The following CAMK1D variants were observed in gnomAD, a reference collection of about 807,000 sequenced individuals.
The protein encoded by CAMK1D is calcium/calmodulin dependent protein kinase ID.
In CAMK1D, 9 loss-of-function variants were observed where a neutral mutation model predicts 47.7. That is an observed-to-expected ratio of 0.19 (90% CI 0.11 to 0.33). CAMK1D has a LOEUF of 0.33. Ranked by LOEUF, CAMK1D falls within the 10% of genes least tolerant of loss-of-function variation. The pLI is 1.00. For missense variants in CAMK1D, 291 were observed against 488.7 expected (o/e 0.60, Z 3.81); for synonymous variants, 184 against 184.9 (o/e 0.99, Z 0.04).
intron 1 of CAMK1D, among the ~76,000 whole-genome samples, chr10:12,359,856 T>TGTATATGTA (rs1428048105): frequency 6.6e-6 from 1 of 152,230 alleles, no homozygotes; most frequent in Non-Finnish European, 1.5e-5. Flanking sequence ...CATATGTATA[T>TGTATATGTA]ACCCCATAAG....
intron 1 of CAMK1D, among the ~76,000 whole-genome samples, chr10:12,411,799 C>T (rs924259008): frequency 2.8e-5 from 3 of 108,296 alleles, no homozygotes; most frequent in Admixed American, 9.8e-5. Flanking sequence ...AGGGTTTCGC[C>T]GTGTTGGGCA....
At chr10:12,782,478 T>C (rs534330053) in intron 5 of CAMK1D, among the ~76,000 whole-genome samples, 3 of 152,324 alleles carry the variant, frequency 2.0e-5, no homozygotes, top group Admixed American at 6.5e-5. Context: ...TAAGTTCTGT[T>C]TAGCATCTCT....
intron 3 of CAMK1D, among the ~76,000 whole-genome samples, chr10:12,746,472 T>C (rs932386316): frequency 3.9e-5 from 6 of 152,150 alleles, no homozygotes; most frequent in Non-Finnish European, 8.8e-5. Context: ...AGGCTTATTG[T>C]TTAGAAATGT....
intron 2 of CAMK1D, among the ~76,000 whole-genome samples, chr10:12,591,787 G>A (rs1249716020): frequency 6.6e-6 from 1 of 152,170 alleles, no homozygotes; most frequent in East Asian, 1.9e-4. Context: ...TCCGCCTCCT[G>A]GGTTCTAGTG....
intron 1 of CAMK1D, among the ~76,000 whole-genome samples, chr10:12,414,485 T>A (rs916701070): frequency 6.6e-6 from 1 of 152,244 alleles, no homozygotes; most frequent in African/African-American, 2.4e-5. Flanking sequence ...TGCCATGTTA[T>A]CTGTCGTGTC....
At chr10:12,656,991 C>G (rs1159368315) in intron 2 of CAMK1D, among the ~76,000 whole-genome samples, 1 of 152,154 alleles carries the variant, frequency 6.6e-6, no homozygotes, top group Non-Finnish European at 1.5e-5. Flanking sequence ...TTAGATGTAT[C>G]AGAGCTAAGA....
intron 1 of CAMK1D, among the ~76,000 whole-genome samples, chr10:12,501,786 T>C (rs1834712497): frequency 6.6e-6 from 1 of 152,130 alleles, no homozygotes; most frequent in Admixed American, 6.5e-5. Context: ...CTCCCCACCC[T>C]AAAGTATTAT....
rs188323642 is a variant in CAMK1D, at chr10:12,791,270, C to T, written c.641+37C>T. The stretch of plus-strand genomic sequence containing the variant: ...CTGCTGCCTTGGGTTCTTCCTCTAC[C>T]GGCCTTTTTTTGTTTGGTGAAATAT... On this transcript the variant is annotated intron_variant, in intron 6 of 10. Coordinates refer to ENST00000619168, the MANE Select transcript of CAMK1D (RefSeq NM_153498.4). The T allele has an allele frequency of 1.0e-3, 1,579 of 1,586,662 alleles. 5 individuals are homozygous for T. The highest frequency in any genetic ancestry group is 1.3e-3 in the South Asian group (118 of 88,842).
intron 8 of CAMK1D, among the ~76,000 whole-genome samples, chr10:12,820,182 G>C (rs1288266194): frequency 2.6e-5 from 4 of 152,202 alleles, no homozygotes; most frequent in African/African-American, 7.2e-5. Flanking sequence ...TGGGATTGCA[G>C]GTGTCCACCA....
intron 2 of CAMK1D, among the ~76,000 whole-genome samples, chr10:12,554,301 A>G (rs1179208316): frequency 1.1e-5 from 1 of 92,210 alleles, no homozygotes; most frequent in East Asian, 3.2e-4. Flanking sequence ...GATTACAGGC[A>G]TCTGCCATCA....
In CAMK1D at chr10:12,528,090, C is replaced by T. The variant is rs138572056; in HGVS notation, c.93-25135C>T. The stretch of plus-strand genomic sequence containing the variant: ...TAACCCATTTAATCATTGCAATAAC[C>T]CTATTAGGTGGGTAGTGTTAGTCCC... On this transcript the variant is annotated intron_variant, in intron 1 of 10. Transcript: ENST00000619168. 3.9e-5 allele frequency among the ~76,000 whole-genome samples: 6 copies of T among 152,224 alleles called. No individual in the cohort carries two copies. In the East Asian group the frequency reaches 1.2e-3, roughly 29 times the overall value.
At chr10:12,718,517 T>C (rs950221659) in intron 3 of CAMK1D, among the ~76,000 whole-genome samples, 1 of 152,172 alleles carries the variant, frequency 6.6e-6, no homozygotes, top group African/African-American at 2.4e-5. Context: ...CTCCCTTAGG[T>C]TTAAAAATCT....
chr10:12,403,291 A>T (rs765731188), intron 1 of CAMK1D, among the ~76,000 whole-genome samples: 2 of 152,246 alleles, frequency 1.3e-5, no homozygotes, highest in Non-Finnish European at 2.9e-5. Flanking sequence ...TCTGCCCTGC[A>T]GAACTGCAGA....
At chr10:12,548,648 A>T (rs1836480343) in intron 1 of CAMK1D, among the ~76,000 whole-genome samples, 1 of 151,798 alleles carries the variant, frequency 6.6e-6, no homozygotes, top group African/African-American at 2.4e-5. Context: ...AATTTTTTCT[A>T]GAGACAGCAT....
chr10:12,715,799 CAGCCTCCGCCTCCCGGGTTCA>C (rs1435630430), intron 3 of CAMK1D, among the ~76,000 whole-genome samples: 4 of 149,636 alleles, frequency 2.7e-5, no homozygotes, highest in African/African-American at 4.9e-5. Flanking sequence ...CGGCTCATTG[CAGCCTCCGCCTCCCGGGTTCA>C]AGCCTCAGCC....
At chr10:12,639,548 AT>A (rs200539016) in intron 2 of CAMK1D, among the ~76,000 whole-genome samples, 2,065 of 150,908 alleles carry the variant, frequency 0.014, 47 homozygotes, top group African/African-American at 0.047. Context: ...CCTTGCTTAA[AT>A]TTTTTTTTTA....
intron 2 of CAMK1D, among the ~76,000 whole-genome samples, chr10:12,600,291 T>A (rs1443591491): frequency 6.6e-6 from 1 of 152,198 alleles, no homozygotes; most frequent in Non-Finnish European, 1.5e-5. Context: ...AGCATTCCCT[T>A]TGAGACCTCC....
intron 5 of CAMK1D, among the ~76,000 whole-genome samples, chr10:12,786,771 A>G (rs567953193): frequency 1.3e-5 from 2 of 152,358 alleles, no homozygotes; most frequent in South Asian, 2.1e-4. Context: ...TTTACCATTT[A>G]AGCAGAGTCT....
chr10:12,564,185 G>A (rs1837052836), intron 2 of CAMK1D, among the ~76,000 whole-genome samples: 1 of 133,606 alleles, frequency 7.5e-6, no homozygotes, highest in African/African-American at 2.8e-5. Context: ...CTCTCTCATA[G>A]GCTAATATTT....
Sources: gnomAD v4.1 joint callset for allele counts (sites outside exome capture counted in the v4.1 genomes callset) on GRCh38, gnomAD v4.1.1 for gene constraint, MANE v1.5 for transcripts, NCBI Gene and HGNC (gene_info 2026-07-23, HGNC 2026-07-21) for gene names.